Variants in ATXN10 observed in about 807,000 individuals in gnomAD.
ATXN10 encodes the protein ataxin-10.
ATXN10 carries 28 observed loss-of-function variants against 52.9 expected under a neutral mutation model. That is an observed-to-expected ratio of 0.53 (90% CI 0.39 to 0.73). The LOEUF (loss-of-function observed/expected upper bound fraction) is 0.73, where lower values mean the gene tolerates loss of function less well. Among genes scored for constraint, ATXN10 ranks in the 30% least tolerant of loss-of-function variants. The pLI, the probability that ATXN10 is intolerant of heterozygous loss-of-function variation, is 0.00. For missense variants in ATXN10, 565 were observed against 577.0 expected (o/e 0.98, Z 0.21); for synonymous variants, 226 against 221.5 (o/e 1.02, Z -0.18).
rs542811514 is a variant in ATXN10 at position 45,759,770 on chromosome 22, A to G, written c.1173+19232A>G. ...CACACCTCAGCTGCCGGCATGAGCT[A>G]AGGGACCATATAACAGTCAGCACTG... is the stretch of plus-strand genomic sequence containing the variant. On this transcript the variant is annotated intron_variant, in intron 9 of 11. Coordinates refer to ENST00000252934, the MANE Select transcript of ATXN10 (RefSeq NM_013236.4). This position sits in a 1 kb window ranked among gnomAD's most constrained non-coding sequence, Gnocchi z 5.4. Among the ~76,000 whole-genome samples the G allele has an allele frequency of 2.0e-5, 3 of 152,334 alleles. No individual in the cohort carries two copies. In the South Asian group the frequency reaches 6.2e-4, roughly 32 times the overall value.
Position 45,781,997 on chromosome 22 carries a change from G to A in ATXN10, c.1174-24962G>A, listed in dbSNP as rs368689896. 1.1e-4 allele frequency among the ~76,000 whole-genome samples: 17 copies of A among 152,252 alleles called. No homozygotes were observed. In the South Asian group the frequency reaches 1.9e-3, roughly 17 times the overall value. ...ATATGTGGGACTTTAATAAAAGGCC[G>A]AAAAAGTATTCAAAAGAATAATTTC... On this transcript the variant is annotated intron_variant, in intron 9 of 11. Transcript: ENST00000252934. The surrounding 1 kb of genome is among the most constrained non-coding windows in gnomAD (Gnocchi z 4.2).
At chr22:45,717,779 T>A (rs1263892785) in intron 5 of ATXN10, among the ~76,000 whole-genome samples, 2 of 152,220 alleles carry the variant, frequency 1.3e-5, no homozygotes, top group Non-Finnish European at 2.9e-5. Flanking sequence ...AGTTCTTAAG[T>A]CTTTTCCTCA....
chr22:45,797,315 G>A (rs1218975623), intron 9 of ATXN10, among the ~76,000 whole-genome samples: 1 of 151,978 alleles, frequency 6.6e-6, no homozygotes, highest in Non-Finnish European at 1.5e-5. Context: ...CATATGCTGG[G>A]GCCATAACAG....
At position 45,718,942 on chromosome 22, in the gene ATXN10, G is replaced by A. The variant is rs979747250; in HGVS notation, c.728+449G>A. Among the ~76,000 whole-genome samples, 21 of 152,086 alleles carry A rather than the reference G, an allele frequency of 1.4e-4. No individual in the cohort carries two copies. The highest frequency in any genetic ancestry group is 5.1e-4 in the African/African-American group (21 of 41,406). On this transcript the variant is annotated intron_variant, in intron 6 of 11. Transcript: ENST00000252934. This position sits in a 1 kb window ranked among gnomAD's most constrained non-coding sequence, Gnocchi z 4.4. ...GCCCGTCCACAATGTCACAGTTACT[G>A]TAGTAGGAAAAACAGTGACCTAGGA...
At chr22:45,838,374 C>T (rs1929235384) in intron 10 of ATXN10, among the ~76,000 whole-genome samples, 1 of 152,190 alleles carries the variant, frequency 6.6e-6, no homozygotes, top group Non-Finnish European at 1.5e-5. Flanking sequence ...CCCAGAGCCC[C>T]CTGCTGAAGA....
rs1569076386 is a variant in ATXN10, at chr22:45,816,261, A to T, written c.1237+9239A>T. Among the ~76,000 whole-genome samples, 1 of 152,208 alleles carries T rather than the reference A, an allele frequency of 6.6e-6. No homozygotes were observed. Among genetic ancestry groups the T allele is most frequent in the Non-Finnish European group, 1.5e-5 (1 of 68,034 alleles). ...GCAGCAAGACTCTATCTAAAAAATA[A>T]AAATAAATAAATAAAAATTCACTGC... On this transcript the variant is annotated intron_variant, in intron 10 of 11. Transcript: ENST00000252934. The surrounding 1 kb of genome is among the most constrained non-coding windows in gnomAD (Gnocchi z 5.8).
chr22:45,676,937 C>T (rs1001157831), intron 1 of ATXN10: 1 of 152,204 alleles, frequency 6.6e-6, no homozygotes, highest in African/African-American at 2.4e-5. Flanking sequence ...ACCACCATGC[C>T]CAGATAATTT....
At chr22:45,814,116 G>C (rs540359210) in intron 10 of ATXN10, among the ~76,000 whole-genome samples, 2 of 152,190 alleles carry the variant, frequency 1.3e-5, no homozygotes, top group Admixed American at 6.5e-5. Flanking sequence ...GCTTCTAGAA[G>C]AATCACAGAT....
intron 9 of ATXN10, among the ~76,000 whole-genome samples, chr22:45,753,401 TTTTTTTTTTTTTTTTTTTTTTTTTG>T (rs1436488543): frequency 1.2e-4 from 11 of 88,894 alleles, no homozygotes; most frequent in African/African-American, 4.2e-4. Context: ...TTTTTTTTTT[TTTTTTTTTTTTTTTTTTTTTTTTTG>T]AGACAGAGTC....
At chr22:45,673,750 C>G (rs1252649891) in intron 1 of ATXN10, 1 of 152,042 alleles carries the variant, frequency 6.6e-6, no homozygotes, top group Admixed American at 6.6e-5. Context: ...GATTGGCGAG[C>G]CAGGAGAGGC....
chr22:45,749,929 A>C (rs2146814369), intron 9 of ATXN10, among the ~76,000 whole-genome samples: 1 of 152,188 alleles, frequency 6.6e-6, no homozygotes, highest in South Asian at 2.1e-4. Flanking sequence ...TATTTCCGAG[A>C]AGCATAATTT....
chr22:45,843,539 G>T lies in ATXN10; in HGVS notation c.1426-130G>T. On this transcript the variant is annotated intron_variant, in intron 11 of 11. Transcript: ENST00000252934. The surrounding 1 kb of genome is among the most constrained non-coding windows in gnomAD (Gnocchi z 4.5). ...CAGAACTCCTTGAATAATATTGCAT[G>T]AATTGTTTTAGGTTTCTCTAAGTTA... The T allele has an allele frequency of 1.2e-6, 1 of 821,744 alleles. No individual in the cohort carries two copies. The allele number at this position is 821,744 out of a possible 1,614,324, so 50.9% of individuals were successfully genotyped here.
At chr22:45,782,001 A>T (rs77351572) in intron 9 of ATXN10, among the ~76,000 whole-genome samples, 1 of 152,228 alleles carries the variant, frequency 6.6e-6, no homozygotes, top group Admixed American at 6.5e-5. Flanking sequence ...AAGGCCGAAA[A>T]AGTATTCAAA....
In ATXN10 at chr22:45,826,629, CA is replaced by C. The variant is rs1569080063; in HGVS notation, c.1238-16358del. The stretch of plus-strand genomic sequence containing the variant: ...CTTTGGAGGCCAGAAGGCAGTGGGC[CA>C]AAATGTTCAAAGTGCAAAAAGAAAA... On this transcript the variant is annotated intron_variant, in intron 10 of 11. Coordinates refer to ENST00000252934, the MANE Select transcript of ATXN10 (RefSeq NM_013236.4). This position sits in a 1 kb window ranked among gnomAD's most constrained non-coding sequence, Gnocchi z 5.0. 1.3e-5 allele frequency among the ~76,000 whole-genome samples: 2 copies of C among 152,120 alleles called. No individual in the cohort carries two copies. Among genetic ancestry groups the C allele is most frequent in the South Asian group, 4.1e-4 (2 of 4,826 alleles).
chr22:45,794,735 CAAAAATGAAGGTCAA>C (rs1042662127), intron 9 of ATXN10, among the ~76,000 whole-genome samples: 1 of 151,792 alleles, frequency 6.6e-6, no homozygotes, highest in Non-Finnish European at 1.5e-5. Context: ...AAATATCCTT[CAAAAATGAAGGTCAA>C]AAAAAAGAAG....
chr22:45,792,803 C>T, intron 9 of ATXN10: 1 of 527,516 alleles, frequency 1.9e-6, no homozygotes, highest in South Asian at 1.5e-5. Flanking sequence ...TGACATCATT[C>T]TGTACTTTGA....
At chr22:45,741,853 G>T (rs1925549137) in intron 9 of ATXN10, among the ~76,000 whole-genome samples, 2 of 152,156 alleles carry the variant, frequency 1.3e-5, no homozygotes, top group African/African-American at 2.4e-5. Context: ...TGAAATTGAT[G>T]CTTGGAAGAA....
In ATXN10 at chr22:45,718,551, G is replaced by A; in HGVS notation, c.728+58G>A. ...TAGCATTCCATATAGGGTATTCGATGCACGTGACTGAAAAGCTGTGTGGTT... is the reference window on the plus strand; with the variant it reads ...TAGCATTCCATATAGGGTATTCGATACACGTGACTGAAAAGCTGTGTGGTT... On this transcript the variant is annotated intron_variant, in intron 6 of 11. Coordinates refer to ENST00000252934, the MANE Select transcript of ATXN10 (RefSeq NM_013236.4). The surrounding 1 kb of genome is among the most constrained non-coding windows in gnomAD (Gnocchi z 4.4). 7.2e-7 allele frequency: 1 copy of A among 1,394,330 alleles called. No homozygotes were observed. Among genetic ancestry groups the A allele is most frequent in the Non-Finnish European group, 1.0e-6 (1 of 980,028 alleles). 86.4% of individuals were successfully genotyped at this position (1,394,330 alleles called of 1,614,324 possible).
At chr22:45,711,959 A>G (rs764023050) in intron 5 of ATXN10, among the ~76,000 whole-genome samples, 13 of 152,346 alleles carry the variant, frequency 8.5e-5, no homozygotes, top group South Asian at 2.1e-4. Flanking sequence ...GTATACGTGT[A>G]TATCTTTTTG....
Sources: gnomAD v4.1 joint callset for allele counts (sites outside exome capture counted in the v4.1 genomes callset) on GRCh38, gnomAD v4.1.1 for gene constraint, Gnocchi (gnomAD v3.1) non-coding constraint, MANE v1.5 for transcripts, NCBI Gene and HGNC (gene_info 2026-07-23, HGNC 2026-07-21) for gene names.